The following FTO variants were observed in gnomAD, a reference collection of about 807,000 sequenced individuals.
FTO encodes alpha-ketoglutarate-dependent dioxygenase FTO.
FTO carries 47 observed loss-of-function variants against 63.9 expected under a neutral mutation model. The observed-to-expected ratio is 0.74, with a 90% CI of 0.58 to 0.94. The LOEUF (loss-of-function observed/expected upper bound fraction) is 0.94. Ranked by LOEUF, FTO falls within the 40% of genes least tolerant of loss-of-function variation. The probability of loss-of-function intolerance (pLI) is 0.00; values close to 1 mark genes in which losing one functional copy is unlikely to be tolerated. For missense variants in FTO, 562 were observed against 618.1 expected (o/e 0.91, Z 0.96); for synonymous variants, 207 against 224.4 (o/e 0.92, Z 0.69).
intron 8 of FTO, among the ~76,000 whole-genome samples, chr16:54,033,083 AC>A (rs1352375143): frequency 1.3e-5 from 2 of 152,104 alleles, no homozygotes; most frequent in East Asian, 1.9e-4. Flanking sequence ...TTTATAAATT[AC>A]CCAGTCTCAA....
intron 2 of FTO, among the ~76,000 whole-genome samples, chr16:53,820,289 G>A (rs2078823042): frequency 6.6e-6 from 1 of 152,088 alleles, no homozygotes; most frequent in African/African-American, 2.4e-5. Context: ...GATTACAGGT[G>A]TAAGCCACCG....
intron 8 of FTO, among the ~76,000 whole-genome samples, chr16:53,986,349 T>C (rs1484397085): frequency 6.6e-6 from 1 of 152,170 alleles, no homozygotes; most frequent in African/African-American, 2.4e-5. Context: ...GGATTTCAGC[T>C]TCCTGTTCAA....
rs747496155 is a variant in FTO, at chr16:53,838,594, A to G, written c.752-5561A>G. ...CCAAAGTGCTGGGATTACAAGTGTG[A>G]ACCACCACACCAAGCTGAGAATCTT... On this transcript the variant is annotated intron_variant, in intron 3 of 8. Coordinates refer to ENST00000471389, the MANE Select transcript of FTO (RefSeq NM_001080432.3). Among the ~76,000 whole-genome samples the G allele has an allele frequency of 5.4e-4, 82 of 152,218 alleles. 1 individual carries two copies. The highest frequency in any genetic ancestry group is 8.8e-5 in the Non-Finnish European group (6 of 68,038).
chr16:53,732,738 A>AG (rs1226055872), intron 1 of FTO, among the ~76,000 whole-genome samples: 10 of 152,070 alleles, frequency 6.6e-5, no homozygotes, highest in African/African-American at 2.4e-4. Context: ...GGCATAAAGG[A>AG]GGGGGGTGGT....
chr16:53,812,420 A>G (rs2151741870), intron 2 of FTO, among the ~76,000 whole-genome samples: 1 of 152,078 alleles, frequency 6.6e-6, no homozygotes, highest in East Asian at 1.9e-4. Context: ...ACATGGTTTC[A>G]CCATGTTGGC....
intron 2 of FTO, 79 bp downstream of exon 2, chr16:53,810,296 A>G: frequency 9.9e-7 from 1 of 1,012,960 alleles, no homozygotes; most frequent in Admixed American, 1.7e-5. Context: ...AAGCTGGGCT[A>G]GAGAGGTTAA....
At chr16:53,792,731 T>C (rs2077957487) in intron 1 of FTO, among the ~76,000 whole-genome samples, 2 of 152,174 alleles carry the variant, frequency 1.3e-5, no homozygotes, top group South Asian at 4.1e-4. Flanking sequence ...GTATAAGATT[T>C]CAGGGTGGAA....
chr16:54,015,962 G>A (rs8063575), intron 8 of FTO, among the ~76,000 whole-genome samples: 105,661 of 152,080 alleles, frequency 0.69, 37,633 homozygotes, highest in African/African-American at 0.84. Flanking sequence ...ACTGACAACC[G>A]GCTGGCCTTA....
At chr16:53,927,836 T>C (rs12924303) in intron 7 of FTO, among the ~76,000 whole-genome samples, 67,097 of 152,146 alleles carry the variant, frequency 0.44, 15,738 homozygotes, top group East Asian at 0.81. Context: ...CAAAAAGATA[T>C]GCCTCTGGCT....
rs140132720 is a variant in FTO, at chr16:54,009,791, G to T, written c.1364+75682G>T. Among the ~76,000 whole-genome samples, 1,143 of 152,214 alleles carry T rather than the reference G, an allele frequency of 7.5e-3. 18 individuals carry two copies. The highest frequency in any genetic ancestry group is 0.026 in the African/African-American group (1,096 of 41,534). ...GGCTTTTCTGCTTTGAATTCAGCAA[G>T]TCATCTCCTTTCCTGTCATGTAACT... On this transcript the variant is annotated intron_variant, in intron 8 of 8. Transcript: ENST00000471389.
At chr16:53,940,647 C>T (rs2082506885) in intron 8 of FTO, among the ~76,000 whole-genome samples, 1 of 152,174 alleles carries the variant, frequency 6.6e-6, no homozygotes, top group South Asian at 2.1e-4. Context: ...CCATAGGAGA[C>T]AACTTCATTT....
intron 1 of FTO, among the ~76,000 whole-genome samples, chr16:53,751,638 G>T (rs1369945653): frequency 6.6e-6 from 1 of 152,078 alleles, no homozygotes; most frequent in African/African-American, 2.4e-5. Flanking sequence ...ATTGCCCAGG[G>T]GTGGGGTGAG....
intron 8 of FTO, among the ~76,000 whole-genome samples, chr16:53,965,242 T>C (rs2083172380): frequency 6.6e-6 from 1 of 152,116 alleles, no homozygotes; most frequent in South Asian, 2.1e-4. Flanking sequence ...CCTGGCTTGT[T>C]TTTTTGTATT....
chr16:53,992,422 G>C (rs2083832430), intron 8 of FTO: 1 of 152,116 alleles, frequency 6.6e-6, no homozygotes, highest in African/African-American at 2.4e-5. Context: ...TCTTTTCAGA[G>C]ATCATGTTTC....
intron 1 of FTO, among the ~76,000 whole-genome samples, chr16:53,749,951 A>G (rs1028312240): frequency 6.6e-6 from 1 of 152,206 alleles, no homozygotes; most frequent in Admixed American, 6.5e-5. Context: ...TGGGAATCAA[A>G]TGGCAGATCT....
chr16:53,892,054 T>G (rs1261374239), intron 7 of FTO, among the ~76,000 whole-genome samples: 1 of 152,128 alleles, frequency 6.6e-6, no homozygotes, highest in Non-Finnish European at 1.5e-5. Context: ...CTTCAAGCCT[T>G]TTACAGTGAC....
At chr16:53,874,586 A>G (rs1345196049) in intron 5 of FTO, among the ~76,000 whole-genome samples, 1 of 152,208 alleles carries the variant, frequency 6.6e-6, no homozygotes, top group African/African-American at 2.4e-5. Context: ...TTGACCTTTC[A>G]TGGAACTACA....
chr16:53,761,226 A>G (rs1254021271), intron 1 of FTO, among the ~76,000 whole-genome samples: 1 of 151,472 alleles, frequency 6.6e-6, no homozygotes, highest in Non-Finnish European at 1.5e-5. Context: ...CTTCCCAAGT[A>G]ACTGGGACAT....
chr16:53,727,826 G>A (rs1474996304), intron 1 of FTO, among the ~76,000 whole-genome samples: 1 of 152,184 alleles, frequency 6.6e-6, no homozygotes, highest in African/African-American at 2.4e-5. Flanking sequence ...TGGTGAGGAT[G>A]GAAGGAGGTA....
Sources: gnomAD v4.1 joint callset for allele counts (sites outside exome capture counted in the v4.1 genomes callset) on GRCh38, gnomAD v4.1.1 for gene constraint, MANE v1.5 for transcripts, NCBI Gene and HGNC (gene_info 2026-07-23, HGNC 2026-07-21) for gene names.